FBXL13: variants seen among roughly 807,000 people sequenced by gnomAD.
FBXL13 encodes F-box and leucine rich repeat protein 13.
Under a neutral mutation model 83.6 loss-of-function variants are expected in FBXL13, and 67 were observed. That is an observed-to-expected ratio of 0.80 (90% CI 0.66 to 0.98). The LOEUF is 0.98. Among genes scored for constraint, FBXL13 ranks in the 50% least tolerant of loss-of-function variants. FBXL13 has a pLI of 0.00. For missense variants in FBXL13, 822 were observed against 866.5 expected (o/e 0.95, Z 0.64); for synonymous variants, 272 against 299.5 (o/e 0.91, Z 0.95).
At chr7:102,933,957 C>T (rs376246276) in intron 8 of FBXL13, 19 of 1,613,318 alleles carry the variant, frequency 1.2e-5, no homozygotes, top group Non-Finnish European at 1.4e-5. Flanking sequence ...TTTTGCAAAG[C>T]GGCTGAGCTG....
intron 2 of FBXL13, among the ~76,000 whole-genome samples, chr7:103,040,541 G>A (rs779428158): frequency 9.9e-5 from 15 of 151,960 alleles, no homozygotes; most frequent in African/African-American, 2.9e-4. Context: ...GCATCACGTC[G>A]CACTTATTCT....
At chr7:102,824,425 T>C (rs956974524) in intron 18 of FBXL13, among the ~76,000 whole-genome samples, 2 of 152,212 alleles carry the variant, frequency 1.3e-5, no homozygotes, top group East Asian at 1.9e-4. Context: ...TATTTCTTGC[T>C]CGTTTCTCAT....
intron 11 of FBXL13, among the ~76,000 whole-genome samples, chr7:102,904,556 CT>C (rs987091075): frequency 1.5e-4 from 23 of 151,632 alleles, no homozygotes; most frequent in Non-Finnish European, 2.8e-4. Context: ...TTTCATTGAT[CT>C]TTTTTTGTTG....
At chr7:102,913,345 A>C in intron 10 of FBXL13, 130 bp from the exon 12 acceptor site, 1 of 1,084,394 alleles carries the variant, frequency 9.2e-7, no homozygotes, top group East Asian at 2.6e-5. Context: ...ATTTAACTTT[A>C]CTGTTAACTC....
chr7:102,894,557 T>C (rs76364855), intron 11 of FBXL13, among the ~76,000 whole-genome samples: 3,813 of 151,812 alleles, frequency 0.025, 158 homozygotes, highest in East Asian at 0.16. Flanking sequence ...GACCCGTCTC[T>C]AGAAAAAAAA....
chr7:102,981,061 CAGGTGGCCTGAA>C lies in FBXL13; in HGVS notation c.496-12956_496-12945del, dbSNP rs893868947. ...GCCTTGGAAAGGTATTATGTTGGATCAGGTGGCCTGAAAGCTGTACTTGTAGTTTTGTACCTA... is the reference window on the plus strand; with the variant it reads ...GCCTTGGAAAGGTATTATGTTGGATCAGCTGTACTTGTAGTTTTGTACCTA... On this transcript the variant is annotated intron_variant, in intron 6 of 19. Coordinates refer to ENST00000313221, the Ensembl canonical transcript of FBXL13. 3.9e-4 allele frequency among the ~76,000 whole-genome samples: 59 copies of C among 152,238 alleles called. 1 individual carries two copies. Among genetic ancestry groups the C allele is most frequent in the African/African-American group, 1.3e-3 (56 of 41,516 alleles).
chr7:102,978,080 C>T (rs1217467794), intron 6 of FBXL13, among the ~76,000 whole-genome samples: 1 of 152,168 alleles, frequency 6.6e-6, no homozygotes, highest in Non-Finnish European at 1.5e-5. Context: ...ACGTTGTGCA[C>T]ATGTACCCTA....
At chr7:102,825,430 T>A (rs1799460398) in intron 18 of FBXL13, among the ~76,000 whole-genome samples, 1 of 152,142 alleles carries the variant, frequency 6.6e-6, no homozygotes, top group Admixed American at 6.5e-5. Flanking sequence ...CTGCAGAGAG[T>A]CCTTGCCAGC....
chr7:103,044,730 A>G (rs560040788), intron 2 of FBXL13, among the ~76,000 whole-genome samples: 1 of 152,330 alleles, frequency 6.6e-6, no homozygotes, highest in Admixed American at 6.5e-5. Flanking sequence ...TCTTGTAGTT[A>G]GAAGGCCCAT....
intron 17 of FBXL13, among the ~76,000 whole-genome samples, chr7:102,854,367 G>A (rs1289483937): frequency 1.3e-5 from 2 of 151,478 alleles, no homozygotes; most frequent in South Asian, 2.1e-4. Context: ...TCTGGGGACT[G>A]TTGTGGGGTG....
At position 103,001,784 on chromosome 7, in the gene FBXL13, C is replaced by T. The variant is rs533009029; in HGVS notation, c.495+23279G>A. ...AATTTCACCAGTGGCTTCCTGGGGG[C>T]TCTTGGGCCTTTGGCCACAGAATGA... On this transcript the variant is annotated intron_variant, in intron 6 of 19. Coordinates refer to ENST00000313221, the Ensembl canonical transcript of FBXL13. 2.6e-5 allele frequency among the ~76,000 whole-genome samples: 4 copies of T among 152,278 alleles called. No homozygotes were observed. In the South Asian group the frequency reaches 8.3e-4, roughly 32 times the overall value.
At chr7:103,004,688 C>A (rs1473078202) in intron 6 of FBXL13, among the ~76,000 whole-genome samples, 3 of 152,164 alleles carry the variant, frequency 2.0e-5, no homozygotes, top group African/African-American at 7.2e-5. Context: ...GAGGAATTTT[C>A]TGCATGGTCC....
chr7:102,812,929 G>A (rs192194525), downstream of FBXL13, among the ~76,000 whole-genome samples: 21 of 144,878 alleles, frequency 1.4e-4, no homozygotes, highest in African/African-American at 4.4e-4. Flanking sequence ...TGCAACCTCC[G>A]CCTCTCAGGT....
At chr7:102,959,390 T>C (rs1824815556) in intron 8 of FBXL13, among the ~76,000 whole-genome samples, 1 of 152,126 alleles carries the variant, frequency 6.6e-6, no homozygotes, top group African/African-American at 2.4e-5. Context: ...TGCATGCTTT[T>C]TATATGTCAC....
chr7:102,950,950 G>A (rs1823299244), intron 8 of FBXL13, among the ~76,000 whole-genome samples: 2 of 152,076 alleles, frequency 1.3e-5, no homozygotes, highest in South Asian at 4.1e-4. Context: ...TTGTAAATTT[G>A]TCCAAACTCA....
chr7:102,854,564 G>A (rs1397305768), intron 17 of FBXL13, among the ~76,000 whole-genome samples: 2 of 152,086 alleles, frequency 1.3e-5, no homozygotes, highest in African/African-American at 4.8e-5. Flanking sequence ...TACTTTACAT[G>A]TTATAACAAT....
rs182924474 is a variant in FBXL13 at position 103,049,982 on chromosome 7, T to C, written c.-1+5662A>G. ...GCCACCATTGTGAAAAGAGAAAGCA[T>C]AGCCACGTGGCTACAAGGTCAAGCG... On this transcript the variant is annotated intron_variant, in intron 2 of 19. Coordinates refer to ENST00000313221, the Ensembl canonical transcript of FBXL13. 9 of 152,340 alleles carry C rather than the reference T, an allele frequency of 5.9e-5. No homozygotes were observed. In the East Asian group the frequency reaches 9.6e-4, roughly 16 times the overall value. The allele number at this position is 152,340 out of a possible 1,614,324, so 9.4% of individuals were successfully genotyped here. A position where few individuals can be genotyped will look rare whatever the true frequency, so the allele number is the denominator to read the frequency against.
intron 16 of FBXL13, among the ~76,000 whole-genome samples, chr7:102,871,076 ATCT>A (rs1442192442): frequency 4.0e-5 from 6 of 151,830 alleles, no homozygotes; most frequent in African/African-American, 1.5e-4. Context: ...TCATGGATTC[ATCT>A]TCTTCTTTCC....
chr7:103,051,498 T>C lies in FBXL13; in HGVS notation c.-1+4146A>G, dbSNP rs117744905. ...GCTTACCCACGATCCCCAGCTGCTC[T>C]GAGAGATCAGTGAACACAAGTGGGT... is the stretch of plus-strand genomic sequence containing the variant. On this transcript the variant is annotated intron_variant, in intron 2 of 19. Transcript: ENST00000313221. 2.6e-3 allele frequency among the ~76,000 whole-genome samples: 401 copies of C among 152,336 alleles called. 14 individuals carry two copies. In the East Asian group the frequency reaches 0.062, roughly 23 times the overall value.
Sources: gnomAD v4.1 joint callset for allele counts (sites outside exome capture counted in the v4.1 genomes callset) on GRCh38, gnomAD v4.1.1 for gene constraint, MANE v1.5 for transcripts, NCBI Gene and HGNC (gene_info 2026-07-23, HGNC 2026-07-21) for gene names.